The following CLASP1 variants were observed in gnomAD, a reference collection of about 807,000 sequenced individuals.
CLASP1 encodes the protein cytoplasmic linker associated protein 1.
Under a neutral mutation model 192.3 loss-of-function variants are expected in CLASP1, and 38 were observed. That is an observed-to-expected ratio of 0.20 (90% CI 0.15 to 0.26). CLASP1 has a LOEUF of 0.26. CLASP1 is among the 10% of genes least tolerant of loss of function. The pLI is 1.00. For missense variants in CLASP1, 1,433 were observed against 1,932.5 expected (o/e 0.74, Z 4.85); for synonymous variants, 691 against 712.8 (o/e 0.97, Z 0.49).
intron 6 of CLASP1, among the ~76,000 whole-genome samples, chr2:121,517,411 C>T (rs1197134627): frequency 6.6e-6 from 1 of 152,176 alleles, no homozygotes; most frequent in Non-Finnish European, 1.5e-5. Flanking sequence ...GGTAACTTTA[C>T]TCATAATTTT....
chr2:121,406,515 AG>A (rs1392104848), intron 25 of CLASP1, among the ~76,000 whole-genome samples: 1 of 152,238 alleles, frequency 6.6e-6, no homozygotes, highest in Non-Finnish European at 1.5e-5. Flanking sequence ...CATACTGTAC[AG>A]GAAGATTTCT....
chr2:121,599,002 C>G (rs962336382), intron 2 of CLASP1, among the ~76,000 whole-genome samples: 1 of 152,054 alleles, frequency 6.6e-6, no homozygotes, highest in Non-Finnish European at 1.5e-5. Flanking sequence ...GTAGCTGGGA[C>G]TATACGTGCG....
chr2:121,356,159 G>C (rs926442231), intron 37 of CLASP1, among the ~76,000 whole-genome samples: 4 of 151,968 alleles, frequency 2.6e-5, no homozygotes, highest in African/African-American at 9.7e-5. Flanking sequence ...AAAAAGCAAA[G>C]GTCCAGGAAC....
chr2:121,478,680 ACACACCCCACACACACAAC>A (rs1372901121), intron 8 of CLASP1, among the ~76,000 whole-genome samples: 20 of 75,512 alleles, frequency 2.6e-4, no homozygotes, highest in Middle Eastern at 6.9e-3. Flanking sequence ...CACACCACAC[ACACACCCCACACACACAAC>A]CACACCCCAC....
intron 19 of CLASP1, among the ~76,000 whole-genome samples, chr2:121,442,394 G>GAAT (rs2083491994): frequency 6.6e-6 from 1 of 151,982 alleles, no homozygotes; most frequent in African/African-American, 2.4e-5. Flanking sequence ...TGTGGACAAT[G>GAAT]AATAACTCCT....
chr2:121,524,440 TC>T (rs371922464), intron 6 of CLASP1, among the ~76,000 whole-genome samples: 2 of 151,924 alleles, frequency 1.3e-5, no homozygotes, highest in African/African-American at 4.8e-5. Context: ...AACATTTATT[TC>T]CCATGCCATA....
chr2:121,578,413 G>C (rs2060762393), intron 2 of CLASP1, among the ~76,000 whole-genome samples: 1 of 96,674 alleles, frequency 1.0e-5, no homozygotes, highest in African/African-American at 4.1e-5. Context: ...CACAGTGAGA[G>C]ACTATCTCCA....
chr2:121,498,804 G>A (rs1196660646), intron 8 of CLASP1, among the ~76,000 whole-genome samples: 2 of 152,080 alleles, frequency 1.3e-5, no homozygotes, highest in African/African-American at 4.8e-5. Flanking sequence ...GGGCTAATAA[G>A]CACATGAAAA....
At position 121,527,915 on chromosome 2, in the gene CLASP1, G is replaced by C. The variant is rs1470916476; in HGVS notation, c.379-25C>G. On this transcript the variant is annotated intron_variant, in intron 4 of 39. Transcript: ENST00000263710. The stretch of plus-strand genomic sequence containing the variant: ...ACTGCAGATGACAAAGAACAGGTGA[G>C]GAAAGGAGAAGACTGCTGCAGCTGA... The C allele has an allele frequency of 1.9e-6, 3 of 1,587,238 alleles. No individual in the cohort carries two copies. In the African/African-American group the frequency reaches 4.0e-5, roughly 21 times the overall value.
intron 2 of CLASP1, among the ~76,000 whole-genome samples, chr2:121,550,814 C>A (rs2057969367): frequency 6.6e-6 from 1 of 152,176 alleles, no homozygotes. Flanking sequence ...GATACCATTC[C>A]TACTGAAACT....
chr2:121,403,432 G>C (rs776292059), intron 26 of CLASP1: 13 of 456,594 alleles, frequency 2.8e-5, no homozygotes, highest in Admixed American at 9.4e-5. Flanking sequence ...GATAGGAAAA[G>C]AAAGAAGATG....
chr2:121,350,668 G>A (rs1268164158), intron 37 of CLASP1, among the ~76,000 whole-genome samples: 2 of 152,198 alleles, frequency 1.3e-5, no homozygotes, highest in East Asian at 1.9e-4. Flanking sequence ...AGACAGCTGA[G>A]TTCATCTCAT....
intron 8 of CLASP1, among the ~76,000 whole-genome samples, chr2:121,491,769 A>G (rs1345537250): frequency 6.6e-6 from 1 of 152,244 alleles, no homozygotes; most frequent in Non-Finnish European, 1.5e-5. Context: ...GAAGTATTCT[A>G]TTACAGACAG....
chr2:121,371,519 G>A (rs918204684), intron 34 of CLASP1, among the ~76,000 whole-genome samples: 15 of 152,004 alleles, frequency 9.9e-5, no homozygotes, highest in South Asian at 4.2e-4. Flanking sequence ...GATTGCAGGC[G>A]TGAGCCACCA....
intron 2 of CLASP1, among the ~76,000 whole-genome samples, chr2:121,566,513 A>G (rs945150305): frequency 4.6e-5 from 7 of 152,258 alleles, no homozygotes; most frequent in Non-Finnish European, 7.3e-5. Flanking sequence ...ATTGTTTATA[A>G]GCAAAATGCC....
intron 8 of CLASP1, among the ~76,000 whole-genome samples, chr2:121,500,386 AAGAAAG>A (rs2093706328): frequency 6.7e-6 from 1 of 149,770 alleles, no homozygotes; most frequent in South Asian, 2.1e-4. Flanking sequence ...GAAAGAAAGA[AAGAAAG>A]AAAGAAAAGA....
intron 8 of CLASP1, among the ~76,000 whole-genome samples, chr2:121,497,131 C>T (rs916372243): frequency 6.6e-6 from 1 of 152,076 alleles, no homozygotes; most frequent in Admixed American, 6.6e-5. Context: ...TACCACTGAA[C>T]TGTACACTTA....
At chr2:121,605,644 T>C (rs1186766212) in intron 2 of CLASP1, 57 bp downstream of exon 2, 4 of 1,357,892 alleles carry the variant, frequency 2.9e-6, no homozygotes, top group African/African-American at 1.4e-5. Context: ...AGGGCCAATT[T>C]TGATCTACCA....
intron 1 of CLASP1, among the ~76,000 whole-genome samples, chr2:121,644,966 C>CAAAAAAAAAAA (rs74265895): frequency 8.9e-6 from 1 of 112,678 alleles, no homozygotes; most frequent in Admixed American, 9.1e-5. Flanking sequence ...AAAAAAAAAA[C>CAAAAAAAAAAA]AAAAAAAAAA....
Sources: allele counts gnomAD v4.1 joint callset (sites outside exome capture counted in the v4.1 genomes callset), GRCh38; gene constraint gnomAD v4.1.1; transcripts MANE v1.5; gene names NCBI Gene and HGNC (gene_info 2026-07-23, HGNC 2026-07-21).